The following CCDC7 variants were observed in gnomAD, a reference collection of about 807,000 sequenced individuals.
CCDC7 encodes coiled-coil domain-containing protein 7.
CCDC7 carries 183 observed loss-of-function variants against 196.9 expected under a neutral mutation model. That is an observed-to-expected ratio of 0.93 (90% confidence interval 0.82 to 1.05). CCDC7 has a LOEUF of 1.05. CCDC7 is among the 50% of genes least tolerant of loss of function. The pLI, the probability that CCDC7 is intolerant of heterozygous loss-of-function variation, is 0.00. For missense variants in CCDC7, 1,540 were observed against 1,482.2 expected, an observed-to-expected ratio of 1.04 and a Z score of -0.64; for synonymous variants, 525 against 484.6, an observed-to-expected ratio of 1.08 and a Z score of -1.10.
intron 24 of CCDC7, among the ~76,000 whole-genome samples, chr10:32,698,390 A>G (rs1467271936): frequency 6.6e-6 from 1 of 152,158 alleles, no homozygotes. Flanking sequence ...AAGATCGGTA[A>G]TAATAAACTT....
chr10:32,746,025 A>G (rs958288565), intron 28 of CCDC7, among the ~76,000 whole-genome samples: 6 of 152,174 alleles, frequency 3.9e-5, no homozygotes, highest in African/African-American at 7.2e-5. Context: ...TTGTTGGCAT[A>G]AAGGAAAACA....
At chr10:32,585,629 G>T (rs1180433058) in intron 18 of CCDC7, among the ~76,000 whole-genome samples, 4 of 152,000 alleles carry the variant, frequency 2.6e-5, no homozygotes. Flanking sequence ...GTGGTGTTTG[G>T]TTTTCTGTTC....
At chr10:32,817,929 C>T (rs1180716887) in intron 31 of CCDC7, among the ~76,000 whole-genome samples, 2 of 152,172 alleles carry the variant, frequency 1.3e-5, no homozygotes, top group African/African-American at 2.4e-5. Flanking sequence ...ACTGCATCAA[C>T]TAACGAGCAA....
chr10:32,767,168 C>T (rs141473246), intron 28 of CCDC7, among the ~76,000 whole-genome samples: 4 of 152,154 alleles, frequency 2.6e-5, no homozygotes, highest in Non-Finnish European at 5.9e-5. Context: ...CCACTGGGCA[C>T]GTGTCCAATA....
chr10:32,461,737 A>G (rs1188711579), intron 3 of CCDC7, among the ~76,000 whole-genome samples: 2 of 69,500 alleles, frequency 2.9e-5, no homozygotes, highest in African/African-American at 1.2e-4. Flanking sequence ...ATATGTATAT[A>G]TATATATATA....
chr10:32,528,987 G>T (rs1244098177), intron 11 of CCDC7, among the ~76,000 whole-genome samples: 1 of 151,594 alleles, frequency 6.6e-6, no homozygotes, highest in Non-Finnish European at 1.5e-5. Context: ...TAGATCTACT[G>T]TCTACTTGTA....
chr10:32,567,695 T>C (rs1174993533), exon 15 of CCDC7: 1 of 1,612,498 alleles, frequency 6.2e-7, no homozygotes, highest in African/African-American at 1.3e-5. Flanking sequence ...AAGCATCAAC[T>C]TAACTATTTC....
At chr10:32,862,415 G>A (rs2094032099) in intron 41 of CCDC7, among the ~76,000 whole-genome samples, 1 of 151,870 alleles carries the variant, frequency 6.6e-6, no homozygotes, top group South Asian at 2.1e-4. Context: ...GGGGCTTGTC[G>A]GGGGTTGGGG....
chr10:32,564,762 C>T (rs2056480145), intron 13 of CCDC7, among the ~76,000 whole-genome samples: 1 of 151,888 alleles, frequency 6.6e-6, no homozygotes, highest in South Asian at 2.1e-4. Context: ...TGTAACTAAC[C>T]TGCACATTGT....
intron 20 of CCDC7, among the ~76,000 whole-genome samples, chr10:32,639,636 T>TG (rs1247293277): frequency 6.6e-6 from 1 of 151,616 alleles, no homozygotes; most frequent in Non-Finnish European, 1.5e-5. Context: ...TCTGTTTTTT[T>TG]TTTTTTTTTG....
upstream of CCDC7, among the ~76,000 whole-genome samples, chr10:32,444,435 T>G (rs1436432324): frequency 6.6e-6 from 1 of 152,242 alleles, no homozygotes; most frequent in East Asian, 1.9e-4. Context: ...AGGCCACAGA[T>G]ATGAATGGTG....
At chr10:32,610,132 T>G (rs1453400625) in intron 18 of CCDC7, among the ~76,000 whole-genome samples, 1 of 151,944 alleles carries the variant, frequency 6.6e-6, no homozygotes. Flanking sequence ...TGAGACGGAG[T>G]CTTGCTCTGT....
intron 20 of CCDC7, among the ~76,000 whole-genome samples, chr10:32,651,715 C>G (rs770570422): frequency 3.2e-4 from 49 of 152,008 alleles, no homozygotes; most frequent in Non-Finnish European, 5.7e-4. Context: ...GAGGGGAGGT[C>G]ATCTTGGGGC....
intron 28 of CCDC7, among the ~76,000 whole-genome samples, chr10:32,756,525 TA>T (rs1270896818): frequency 2.0e-5 from 3 of 152,098 alleles, no homozygotes; most frequent in Non-Finnish European, 2.9e-5. Context: ...GAAGGAGAAA[TA>T]AAATCCTTTA....
intron 41 of CCDC7, among the ~76,000 whole-genome samples, chr10:32,866,958 C>T (rs773660835): frequency 1.2e-4 from 18 of 151,456 alleles, no homozygotes; most frequent in African/African-American, 3.1e-4. Flanking sequence ...ATACTCCTCC[C>T]GAAGATGTAT....
chr10:32,601,260 G>T (rs556112850), intron 18 of CCDC7, among the ~76,000 whole-genome samples: 4 of 152,186 alleles, frequency 2.6e-5, no homozygotes, highest in Non-Finnish European at 5.9e-5. Flanking sequence ...TCAGTAAGTT[G>T]AGGTTTCACC....
At chr10:32,548,290 G>A (rs1446555550) in intron 13 of CCDC7, among the ~76,000 whole-genome samples, 1 of 152,138 alleles carries the variant, frequency 6.6e-6, no homozygotes, top group East Asian at 1.9e-4. Flanking sequence ...GAGAGCAGGA[G>A]TATGAACTGG....
At chr10:32,831,920 A>G (rs1203401079) in intron 32 of CCDC7, among the ~76,000 whole-genome samples, 1 of 152,202 alleles carries the variant, frequency 6.6e-6, no homozygotes, top group South Asian at 2.1e-4. Context: ...TATTATTATC[A>G]TCAAGTGTTA....
intron 28 of CCDC7, among the ~76,000 whole-genome samples, chr10:32,752,367 C>T (rs933637538): frequency 5.9e-5 from 9 of 152,150 alleles, no homozygotes; most frequent in Admixed American, 5.9e-4. Flanking sequence ...ATGCCTGTCA[C>T]CATTTTTTCA....
Sources: gnomAD v4.1 joint callset for allele counts (sites outside exome capture counted in the v4.1 genomes callset) on GRCh38, gnomAD v4.1.1 for gene constraint, MANE v1.5 for transcripts, NCBI Gene and HGNC (gene_info 2026-07-23, HGNC 2026-07-21) for gene names.